Variants in MAML2 observed in about 807,000 individuals in gnomAD.
The protein encoded by MAML2 is mastermind like transcriptional coactivator 2.
In MAML2, 22 loss-of-function variants were observed where a neutral mutation model predicts 96.1. The observed-to-expected ratio is 0.23, with a 90% CI of 0.16 to 0.33. The LOEUF is 0.33. Ranked by LOEUF, MAML2 falls within the 10% of genes least tolerant of loss-of-function variation. The pLI, the probability that MAML2 is intolerant of heterozygous loss-of-function variation, is 1.00. For missense variants in MAML2, 1,367 were observed against 1,392.4 expected (o/e 0.98, Z 0.29); for synonymous variants, 561 against 521.3 (o/e 1.08, Z -1.04).
Position 95,991,592 on chromosome 11 carries a change from C to T in MAML2, c.2271G>A (p.Lys757=), listed in dbSNP as rs1857913059. The T allele has an allele frequency of 6.2e-7, 1 of 1,613,790 alleles. No individual in the cohort carries two copies. Among genetic ancestry groups the T allele is most frequent in the Non-Finnish European group, 8.5e-7 (1 of 1,179,746 alleles). The change falls in exon 3 of 5, where the codon AAG becomes AAA. Residue 757 remains lysine, a synonymous_variant. Transcript: ENST00000524717. ...CCATGATCTGCCTCTGTAGAGTCTGCTTCTTTCCCATCAATTGCTGATTCA... is the reference window on the plus strand; with the variant it reads ...CCATGATCTGCCTCTGTAGAGTCTGTTTCTTTCCCATCAATTGCTGATTCA... ...SLLNQQLMGK[K]QTLQRQIMEQ... is the part of the protein sequence containing the mutation.
chr11:96,079,775 A>C (rs561577901), intron 2 of MAML2, among the ~76,000 whole-genome samples: 1 of 152,240 alleles, frequency 6.6e-6, no homozygotes, highest in African/African-American at 2.4e-5. Flanking sequence ...ACAAATAGAG[A>C]GACAAAAGGG....
At chr11:96,097,544 C>T (rs183766021) in intron 1 of MAML2, among the ~76,000 whole-genome samples, 2 of 152,274 alleles carry the variant, frequency 1.3e-5, no homozygotes, top group African/African-American at 4.8e-5. Flanking sequence ...ACAAATCTTT[C>T]ACCCAAGGGC....
chr11:96,342,608 T>A lies in MAML2; in HGVS notation c.-713A>T. The A allele has an allele frequency of 2.5e-6, 1 of 393,288 alleles. No homozygotes were observed. 24.4% of individuals were successfully genotyped at this position (393,288 alleles called of 1,614,324 possible). On this transcript the variant is annotated 5_prime_UTR_variant, in exon 1 of 5. Transcript: ENST00000524717. ...CTCCTCTTTGGGGTACTGTAGGATG[T>A]TGTCTTCTCCCAAAAGAGGGAGACA...
chr11:96,317,465 A>C (rs78211707), intron 1 of MAML2, among the ~76,000 whole-genome samples: 11,238 of 152,234 alleles, frequency 0.074, 570 homozygotes, highest in African/African-American at 0.15. Context: ...AGGGTATGTG[A>C]GATGCACAAA....
At chr11:96,289,584 T>C (rs896041683) in intron 1 of MAML2, among the ~76,000 whole-genome samples, 5 of 152,210 alleles carry the variant, frequency 3.3e-5, no homozygotes, top group African/African-American at 1.2e-4. Flanking sequence ...GAAAATGATA[T>C]GTTTATAATC....
intron 2 of MAML2, among the ~76,000 whole-genome samples, chr11:96,010,131 A>G (rs978473954): frequency 7.9e-5 from 12 of 152,156 alleles, no homozygotes; most frequent in African/African-American, 2.9e-4. Flanking sequence ...TCTTAATTAT[A>G]TTACTCCATC....
intron 1 of MAML2, among the ~76,000 whole-genome samples, chr11:96,116,436 A>G (rs149614809): frequency 6.6e-6 from 1 of 152,268 alleles, no homozygotes; most frequent in African/African-American, 2.4e-5. Flanking sequence ...GGCTCCCTGT[A>G]TTGCAGTGGG....
intron 1 of MAML2, among the ~76,000 whole-genome samples, chr11:96,115,711 G>T (rs1374967248): frequency 1.3e-5 from 2 of 152,148 alleles, no homozygotes; most frequent in Non-Finnish European, 2.9e-5. Context: ...AGGAAGTGAT[G>T]AATGCTCTGG....
At position 95,980,037 on chromosome 11, in the gene MAML2, T is replaced by C. The variant is rs1056747375; in HGVS notation, c.2456-74A>G. 31 of 1,172,134 alleles carry C rather than the reference T, an allele frequency of 2.6e-5. No homozygotes were observed. The Middle Eastern group carries it at 8.1e-4, about 31-fold the overall frequency. 72.6% of individuals were successfully genotyped at this position (1,172,134 alleles called of 1,614,324 possible). ...CTCTGTAACTGCACTTTTCAATAAC[T>C]CATCAATCTGAAACTGCTTTCAGGT... is the stretch of plus-strand genomic sequence containing the variant. On this transcript the variant is annotated intron_variant, in intron 4 of 4. Transcript: ENST00000524717.
At chr11:96,323,186 G>A (rs562472427) in intron 1 of MAML2, among the ~76,000 whole-genome samples, 29 of 151,852 alleles carry the variant, frequency 1.9e-4, no homozygotes, top group African/African-American at 6.5e-4. Context: ...CTGAGGGTGG[G>A]GCTTAGATAC....
At position 96,191,425 on chromosome 11, in the gene MAML2, A is replaced by G. The variant is rs138528647; in HGVS notation, c.514-97908T>C. On this transcript the variant is annotated intron_variant, in intron 1 of 4. Transcript: ENST00000524717. Reference sequence around the variant, plus strand: ...CTTGCAAGTGAGCCGAGACCACACCACTGCACTCCAGCCTGGGCGACAGAG... The same window carrying G: ...CTTGCAAGTGAGCCGAGACCACACCGCTGCACTCCAGCCTGGGCGACAGAG... 8.6e-5 allele frequency among the ~76,000 whole-genome samples: 13 copies of G among 151,080 alleles called. No homozygotes were observed. In the East Asian group the frequency reaches 2.5e-3, roughly 30 times the overall value.
chr11:96,286,937 G>T (rs556724687), intron 1 of MAML2, among the ~76,000 whole-genome samples: 1 of 152,254 alleles, frequency 6.6e-6, no homozygotes, highest in Admixed American at 6.5e-5. Flanking sequence ...CTCAAATTTT[G>T]CTGTCATGGA....
At chr11:96,274,091 T>TC (rs1862951941) in intron 1 of MAML2, among the ~76,000 whole-genome samples, 1 of 144,512 alleles carries the variant, frequency 6.9e-6, no homozygotes, top group African/African-American at 2.5e-5. Flanking sequence ...TTTTTTTTTT[T>TC]TTTTTTTTTT....
intron 1 of MAML2, among the ~76,000 whole-genome samples, chr11:96,163,862 C>CT (rs67666403): frequency 1.6e-4 from 19 of 122,300 alleles, no homozygotes; most frequent in South Asian, 2.7e-4. Flanking sequence ...TTCTCTCTTT[C>CT]TTTTTTTTTT....
In MAML2 at chr11:96,341,449, C is replaced by A. The variant is rs1039885238; in HGVS notation, c.447G>T (p.Gly149=). 41 of 1,550,824 alleles carry A rather than the reference C, an allele frequency of 2.6e-5. No individual in the cohort carries two copies. The African/African-American group carries it at 3.3e-4, about 12-fold the overall frequency. ...LNSSNNGGSG[G]INGEQQPPAS... is the part of the protein sequence containing the mutation. ...CGGGCGGCTGCTGCTCTCCGTTTATCCCACCACTGCCACCATTATTGCTAC... is the reference window on the plus strand; with the variant it reads ...CGGGCGGCTGCTGCTCTCCGTTTATACCACCACTGCCACCATTATTGCTAC... The change falls in exon 1 of 5, where the codon GGG becomes GGT. Residue 149 remains glycine (G), a synonymous_variant. Coordinates refer to ENST00000524717, the MANE Select transcript of MAML2 (RefSeq NM_032427.4).
At chr11:96,217,545 C>G (rs1233916078) in intron 1 of MAML2, among the ~76,000 whole-genome samples, 1 of 152,178 alleles carries the variant, frequency 6.6e-6, no homozygotes, top group Non-Finnish European at 1.5e-5. Flanking sequence ...TGTTTTTGCT[C>G]TATGGTTTCC....
chr11:96,144,940 C>T (rs1300530994), intron 1 of MAML2, among the ~76,000 whole-genome samples: 3 of 152,150 alleles, frequency 2.0e-5, no homozygotes, highest in Non-Finnish European at 4.4e-5. Flanking sequence ...GATCAACTTC[C>T]AATGCATTGG....
intron 2 of MAML2, among the ~76,000 whole-genome samples, chr11:96,073,255 C>G (rs1859375165): frequency 6.6e-6 from 1 of 152,012 alleles, no homozygotes; most frequent in African/African-American, 2.4e-5. Context: ...AGTCTCCTGT[C>G]CCTTGGACAC....
intron 2 of MAML2, among the ~76,000 whole-genome samples, chr11:96,057,149 C>T (rs564678774): frequency 6.6e-6 from 1 of 152,260 alleles, no homozygotes; most frequent in African/African-American, 2.4e-5. Context: ...GACTTACACA[C>T]TAGAATCAGT....
Sources: gnomAD v4.1 joint callset for allele counts (sites outside exome capture counted in the v4.1 genomes callset) on GRCh38, gnomAD v4.1.1 for gene constraint, MANE v1.5 for transcripts, NCBI Gene and HGNC (gene_info 2026-07-23, HGNC 2026-07-21) for gene names.